The following ADAMTSL1 variants were observed in gnomAD, a reference collection of about 807,000 sequenced individuals.
ADAMTSL1 encodes ADAMTS like 1.
Under a neutral mutation model 201.8 loss-of-function variants are expected in ADAMTSL1, and 126 were observed. The observed-to-expected ratio is 0.62, with a 90% CI of 0.54 to 0.72. The LOEUF (loss-of-function observed/expected upper bound fraction) is 0.72, where lower values mean the gene tolerates loss of function less well. Among genes scored for constraint, ADAMTSL1 ranks in the 30% least tolerant of loss-of-function variants. ADAMTSL1 has a pLI of 0.00. For synonymous variants in ADAMTSL1, 1,121 were observed against 903.4 expected (o/e 1.24, Z -4.32); for missense variants, 2,679 against 2,277.8 (o/e 1.18, Z -3.59).
At chr9:18,228,919 ATTTC>A (rs888794756) in intron 2 of ADAMTSL1, among the ~76,000 whole-genome samples, 1 of 151,010 alleles carries the variant, frequency 6.6e-6, no homozygotes, top group African/African-American at 2.4e-5. Flanking sequence ...TTAGATGACA[ATTTC>A]TTTCTCACTA....
chr9:18,130,190 T>C (rs1202652504), intron 1 of ADAMTSL1, among the ~76,000 whole-genome samples: 2 of 152,234 alleles, frequency 1.3e-5, no homozygotes, highest in Non-Finnish European at 2.9e-5. Context: ...TCCACAGGCC[T>C]CCCTCTGCCT....
chr9:18,033,020 G>A (rs1164891305), intron 1 of ADAMTSL1, among the ~76,000 whole-genome samples: 2 of 151,950 alleles, frequency 1.3e-5, no homozygotes, highest in African/African-American at 2.4e-5. Flanking sequence ...TTCTCTCTGT[G>A]GGACAGGCAC....
chr9:18,649,858 A>G (rs1248265715), intron 7 of ADAMTSL1, among the ~76,000 whole-genome samples: 1 of 152,108 alleles, frequency 6.6e-6, no homozygotes, highest in Non-Finnish European at 1.5e-5. Context: ...CTACTTGAGG[A>G]GGCAGTCTGC....
At chr9:18,501,511 A>T (rs1822844509) in intron 1 of ADAMTSL1, among the ~76,000 whole-genome samples, 1 of 151,710 alleles carries the variant, frequency 6.6e-6, no homozygotes, top group Admixed American at 6.6e-5. Flanking sequence ...CTCAAAAAAA[A>T]AAAAAAAAAA....
At position 18,648,055 on chromosome 9, in the gene ADAMTSL1, A is replaced by G. The variant is rs980980436; in HGVS notation, c.834+8644A>G. Among the ~76,000 whole-genome samples, 6 of 148,170 alleles carry G rather than the reference A, an allele frequency of 4.0e-5. No homozygotes were observed. In the Admixed American group the frequency reaches 4.1e-4, roughly 10 times the overall value. On this transcript the variant is annotated intron_variant, in intron 7 of 28. Coordinates refer to ENST00000380548, the MANE Select transcript of ADAMTSL1 (RefSeq NM_001040272.6). The stretch of plus-strand genomic sequence containing the variant: ...TTGTAGGTCACTCAGGACTTGCTTT[A>G]TGAATCTGGGTGCTCCTGTATTGGG...
At chr9:18,085,155 G>A (rs1587008430) in intron 1 of ADAMTSL1, among the ~76,000 whole-genome samples, 1 of 151,102 alleles carries the variant, frequency 6.6e-6, no homozygotes, top group Non-Finnish European at 1.5e-5. Flanking sequence ...TGTGTAGAGA[G>A]AGGGCCAGAT....
At chr9:18,756,076 AATATATATATATATATATATAT>A (rs55717414) in intron 16 of ADAMTSL1, among the ~76,000 whole-genome samples, 1,813 of 80,710 alleles carry the variant, frequency 0.022, 105 homozygotes, top group African/African-American at 0.032. Context: ...CTCTACTGAA[AATATATATATATATATATATAT>A]ATATATATAT....
chr9:18,836,263 A>G lies in ADAMTSL1; in HGVS notation c.4249+6286A>G, dbSNP rs560608881. On this transcript the variant is annotated intron_variant, in intron 23 of 28. Transcript: ENST00000380548. Reference sequence around the variant, plus strand: ...GAAATGTCTGTTCCTGTCTTTTGCCAATTTTTAATGGGGTTAGTTGTTTTT... The same window carrying G: ...GAAATGTCTGTTCCTGTCTTTTGCCGATTTTTAATGGGGTTAGTTGTTTTT... Among the ~76,000 whole-genome samples the G allele has an allele frequency of 5.7e-4, 87 of 152,158 alleles. 1 individual carries two copies. The highest frequency in any genetic ancestry group is 1.8e-3 in the African/African-American group (76 of 41,540).
intron 2 of ADAMTSL1, among the ~76,000 whole-genome samples, chr9:18,404,104 C>G (rs112884729): frequency 9.9e-5 from 15 of 152,250 alleles, no homozygotes; most frequent in Admixed American, 3.9e-4. Context: ...TTATCCTTCT[C>G]TCATAGAAAC....
At chr9:18,813,732 A>G (rs982107200) in intron 20 of ADAMTSL1, among the ~76,000 whole-genome samples, 1 of 152,190 alleles carries the variant, frequency 6.6e-6, no homozygotes, top group Admixed American at 6.5e-5. Context: ...AGGGTTTTCT[A>G]TATATGAGAT....
intron 15 of ADAMTSL1, among the ~76,000 whole-genome samples, chr9:18,748,609 A>C (rs1312484066): frequency 6.6e-6 from 1 of 152,194 alleles, no homozygotes; most frequent in Non-Finnish European, 1.5e-5. Flanking sequence ...TGAAGTTGGG[A>C]GTAAACAGTT....
chr9:18,823,166 A>C (rs535873442), intron 21 of ADAMTSL1, among the ~76,000 whole-genome samples: 9 of 152,296 alleles, frequency 5.9e-5, no homozygotes, highest in Non-Finnish European at 7.3e-5. Flanking sequence ...CGGCAAACTC[A>C]TAATGCAGAT....
chr9:17,933,896 G>A (rs1232687464), intron 1 of ADAMTSL1, among the ~76,000 whole-genome samples: 1 of 152,116 alleles, frequency 6.6e-6, no homozygotes, highest in African/African-American at 2.4e-5. Context: ...AATCCAAACT[G>A]CATCAACACT....
chr9:18,603,206 C>G (rs927398333), intron 4 of ADAMTSL1, among the ~76,000 whole-genome samples: 1 of 149,828 alleles, frequency 6.7e-6, no homozygotes, highest in South Asian at 2.1e-4. Flanking sequence ...AACAACAACT[C>G]TTGGAGGTAT....
intron 4 of ADAMTSL1, among the ~76,000 whole-genome samples, chr9:18,606,959 G>A (rs1825058964): frequency 6.6e-6 from 1 of 152,118 alleles, no homozygotes; most frequent in Non-Finnish European, 1.5e-5. Context: ...AAAAGGTTTT[G>A]TGGCTTCCAG....
At chr9:18,250,781 C>G (rs572194829) in intron 2 of ADAMTSL1, among the ~76,000 whole-genome samples, 39 of 152,168 alleles carry the variant, frequency 2.6e-4, no homozygotes, top group African/African-American at 9.2e-4. Context: ...GCTCCATGTT[C>G]GAGGCTCCTC....
rs574648774 is a variant in ADAMTSL1, at chr9:18,714,117, T to G, written c.1876+7069T>G. 4.6e-5 allele frequency among the ~76,000 whole-genome samples: 7 copies of G among 152,304 alleles called. No individual in the cohort carries two copies. The South Asian group carries it at 1.5e-3, about 32-fold the overall frequency. On this transcript the variant is annotated intron_variant, in intron 14 of 28. Coordinates refer to ENST00000380548, the MANE Select transcript of ADAMTSL1 (RefSeq NM_001040272.6). The stretch of plus-strand genomic sequence containing the variant: ...TCAAGGCAGTGTGTAGAGGGAAATT[T>G]ATAGCACTAAATGCCCACAAGAGAA...
chr9:18,897,420 G>A (rs973386261), intron 26 of ADAMTSL1, among the ~76,000 whole-genome samples: 5 of 152,038 alleles, frequency 3.3e-5, no homozygotes, highest in African/African-American at 9.7e-5. Flanking sequence ...GACTGGGTGA[G>A]ACCTCCCAAC....
intron 5 of ADAMTSL1, chr9:18,622,581 C>G (rs1361253130): frequency 6.1e-6 from 4 of 653,232 alleles, no homozygotes; most frequent in Non-Finnish European, 7.8e-6. Context: ...GCCTGTCCTT[C>G]TGAGGCACAT....
Sources: allele counts gnomAD v4.1 joint callset (sites outside exome capture counted in the v4.1 genomes callset), GRCh38; gene constraint gnomAD v4.1.1; transcripts MANE v1.5; gene names NCBI Gene and HGNC (gene_info 2026-07-23, HGNC 2026-07-21).